The following FXR1 variants were observed in gnomAD, a reference collection of about 807,000 sequenced individuals.
FXR1 encodes the protein FMR1 autosomal homolog 1.
In FXR1, 15 loss-of-function variants were observed where a neutral mutation model predicts 84.0. The ratio of observed to expected loss-of-function variants is 0.18; its 90% CI spans 0.12 to 0.27. The LOEUF (loss-of-function observed/expected upper bound fraction) is 0.27, where lower values mean the gene tolerates loss of function less well. FXR1 is among the 10% of genes least tolerant of loss of function. The pLI is 1.00. For missense variants in FXR1, 480 were observed against 774.4 expected (o/e 0.62, Z 4.51); for synonymous variants, 245 against 250.7 (o/e 0.98, Z 0.21).
rs1180730103 is a variant in FXR1, at chr3:180,932,583, A to G, written c.52-751A>G. 2.6e-5 allele frequency among the ~76,000 whole-genome samples: 4 copies of G among 152,178 alleles called. No individual in the cohort carries two copies. In the East Asian group the frequency reaches 7.7e-4, roughly 29 times the overall value. ...ATTAATCAAAGGAAGATAGAATAAGAAGGCTAATTTTAATAGTAATTTTAA... is the reference window on the plus strand; with the variant it reads ...ATTAATCAAAGGAAGATAGAATAAGGAGGCTAATTTTAATAGTAATTTTAA... On this transcript the variant is annotated intron_variant, in intron 1 of 16. Coordinates refer to ENST00000357559, the MANE Select transcript of FXR1 (RefSeq NM_005087.4).
intron 3 of FXR1, among the ~76,000 whole-genome samples, chr3:180,943,302 T>C: frequency 8.4e-6 from 1 of 118,634 alleles, no homozygotes; most frequent in Admixed American, 1.1e-4. Flanking sequence ...TAAGAAGGAG[T>C]CTTGCTCTGT....
chr3:180,921,777 C>A (rs139867446), intron 1 of FXR1, among the ~76,000 whole-genome samples: 1 of 151,346 alleles, frequency 6.6e-6, no homozygotes, highest in East Asian at 1.9e-4. Flanking sequence ...TACATAGACA[C>A]GTGTATAATT....
intron 1 of FXR1, among the ~76,000 whole-genome samples, chr3:180,929,464 ATCT>A (rs2108438370): frequency 6.6e-6 from 1 of 152,320 alleles, no homozygotes; most frequent in East Asian, 1.9e-4. Context: ...ATGCCTTGAA[ATCT>A]TCTGTGTTTG....
At position 180,955,427 on chromosome 3, in the gene FXR1, A is replaced by T. The variant is rs1805613; in HGVS notation, c.880+1587A>T. Among the ~76,000 whole-genome samples the T allele has an allele frequency of 3.3e-4, 51 of 152,286 alleles. No homozygotes were observed. The South Asian group carries it at 0.01, about 31-fold the overall frequency. ...TAGACTGAACTGCTAGAAAGATGAG[A>T]TGTTAAAATTCAATATAAACTTGAA... On this transcript the variant is annotated intron_variant, in intron 9 of 16. Transcript: ENST00000357559.
At chr3:180,935,873 C>T (rs1720465985) in intron 3 of FXR1, among the ~76,000 whole-genome samples, 1 of 150,972 alleles carries the variant, frequency 6.6e-6, no homozygotes, top group South Asian at 2.1e-4. Context: ...GTGCCCGGCC[C>T]TACAAACATT....
At chr3:180,928,908 T>A (rs549102636) in intron 1 of FXR1, among the ~76,000 whole-genome samples, 1 of 151,740 alleles carries the variant, frequency 6.6e-6, no homozygotes, top group South Asian at 2.1e-4. Flanking sequence ...CATTTTACAC[T>A]TAATTTATGG....
Position 180,970,208 on chromosome 3 carries a change from T to G in FXR1, c.1453T>G (p.Ser485Ala). 6.2e-7 allele frequency: 1 copy of G among 1,608,392 alleles called. No individual in the cohort carries two copies. The highest frequency in any genetic ancestry group is 1.1e-5 in the South Asian group (1 of 90,996). Reference protein sequence around the residue: ...NPYSLLDNTESDQTADTDASE... With the variant: ...NPYSLLDNTEADQTADTDASE... ...ATACAGCTTACTTGATAATACAGAATCAGATCAGACTGCAGACACTGATGC... is the reference window on the plus strand; with the variant it reads ...ATACAGCTTACTTGATAATACAGAAGCAGATCAGACTGCAGACACTGATGC... Residue 485 changes from serine to alanine, a missense_variant, in exon 15 of 17, where the codon TCA becomes GCA. Physicochemically the swap from Ser to Ala is moderately conservative, Grantham distance 99. This residue lies in a region of FXR1 where 157 missense variants were observed against 227.8 expected (regional missense o/e 0.69). Coordinates refer to ENST00000357559, the MANE Select transcript of FXR1 (RefSeq NM_005087.4).
chr3:180,962,790 C>T, intron 11 of FXR1, 93 bp from the exon 12 acceptor site: 1 of 805,024 alleles, frequency 1.2e-6, no homozygotes, highest in Non-Finnish European at 2.1e-6. Context: ...CCTAAGGTCA[C>T]AGCTTTGATA....
intron 3 of FXR1, among the ~76,000 whole-genome samples, chr3:180,935,559 T>C (rs1720424977): frequency 6.6e-6 from 1 of 152,256 alleles, no homozygotes; most frequent in African/African-American, 2.4e-5. Flanking sequence ...CTAATTACTT[T>C]AAATAATTTG....
intron 1 of FXR1, among the ~76,000 whole-genome samples, chr3:180,926,179 T>C (rs1023518221): frequency 6.6e-6 from 1 of 152,078 alleles, no homozygotes; most frequent in Non-Finnish European, 1.5e-5. Flanking sequence ...AAAAATAAAA[T>C]GTTTAAATTT....
rs1425823412 is a variant in FXR1 at position 180,982,496 on chromosome 3, T to A, written c.*6204T>A. 6.6e-6 allele frequency: 1 copy of A among 152,160 alleles called. No individual in the cohort carries two copies. The highest frequency in any genetic ancestry group is 1.5e-5 in the Non-Finnish European group (1 of 67,992). The allele number at this position is 152,160 out of a possible 1,614,324, so 9.4% of individuals were successfully genotyped here. On this transcript the variant is annotated 3_prime_UTR_variant, in exon 17 of 17. Transcript: ENST00000357559. ...TGTGCTCTGCTGTGCTCCTTGGTAT[T>A]TTTAAGTGGTTTCCATTGTCTTAAC...
At chr3:180,952,539 A>G (rs1722330109) in intron 8 of FXR1, among the ~76,000 whole-genome samples, 1 of 151,826 alleles carries the variant, frequency 6.6e-6, no homozygotes, top group South Asian at 2.1e-4. Context: ...CCTGAGCAAC[A>G]GAGAGCAAGG....
rs1018020908 is a variant in FXR1 at position 180,953,922 on chromosome 3, T to C, written c.880+82T>C. 7.2e-5 allele frequency: 52 copies of C among 726,286 alleles called. No individual in the cohort carries two copies. In the East Asian group the frequency reaches 1.3e-3, roughly 18 times the overall value. 45.0% of individuals were successfully genotyped at this position (726,286 alleles called of 1,614,324 possible). ...GCGACTTAATTGAAAACTAGTCTTG[T>C]AGTCTGATAACCTTATTCCAGTTAT... On this transcript the variant is annotated intron_variant, in intron 9 of 16. Coordinates refer to ENST00000357559, the MANE Select transcript of FXR1 (RefSeq NM_005087.4).
In FXR1 at chr3:180,962,755, C is replaced by A. The variant is rs557588287; in HGVS notation, c.1078-128C>A. On this transcript the variant is annotated intron_variant, in intron 11 of 16. Coordinates refer to ENST00000357559, the MANE Select transcript of FXR1 (RefSeq NM_005087.4). The stretch of plus-strand genomic sequence containing the variant: ...CCTCATCAATTCTGTTGACTAGGAA[C>A]ACAATGCTCTTTACCATCTAATTGC... 4.6e-6 allele frequency: 3 copies of A among 658,606 alleles called. No individual in the cohort carries two copies. In the East Asian group the frequency reaches 8.0e-5, roughly 17 times the overall value. 40.8% of individuals were successfully genotyped at this position (658,606 alleles called of 1,614,324 possible). A position where few individuals can be genotyped will look rare whatever the true frequency, so the allele number is the denominator to read the frequency against.
chr3:180,938,684 G>A (rs1720801698), intron 3 of FXR1, among the ~76,000 whole-genome samples: 1 of 151,894 alleles, frequency 6.6e-6, no homozygotes, highest in Non-Finnish European at 1.5e-5. Flanking sequence ...TAGTAGCTGG[G>A]ATTACAGGCA....
At position 180,982,611 on chromosome 3, in the gene FXR1, T is replaced by C. The variant is rs537227642; in HGVS notation, c.*6319T>C. 1.3e-5 allele frequency: 2 copies of C among 152,324 alleles called. No individual in the cohort carries two copies. The highest frequency in any genetic ancestry group is 2.1e-4 in the South Asian group (1 of 4,832). The allele number at this position is 152,324 out of a possible 1,614,324, so 9.4% of individuals were successfully genotyped here. On this transcript the variant is annotated 3_prime_UTR_variant, in exon 17 of 17. Coordinates refer to ENST00000357559, the MANE Select transcript of FXR1 (RefSeq NM_005087.4). ...AAATTTCCCTTTTTAGAGTTAATGC[T>C]TCATTGCCTGTCGGCATATTATCAC...
rs1714477630 is a variant in FXR1, at chr3:180,979,065, C to T, written c.*2773C>T. The T allele has an allele frequency of 6.6e-6, 1 of 152,066 alleles. No homozygotes were observed. Among genetic ancestry groups the T allele is most frequent in the African/African-American group, 2.4e-5 (1 of 41,410 alleles). 9.4% of individuals were successfully genotyped at this position (152,066 alleles called of 1,614,324 possible). The stretch of plus-strand genomic sequence containing the variant: ...AACTGGTGAGTTCACAGAAACTTAC[C>T]TGAGATGATGCTGGGTTCCATTGCT... On this transcript the variant is annotated 3_prime_UTR_variant, in exon 17 of 17. Transcript: ENST00000357559.
chr3:180,953,842 T>A lies in FXR1; in HGVS notation c.880+2T>A. 2 of 1,437,702 alleles carry A rather than the reference T, an allele frequency of 1.4e-6. No homozygotes were observed. The highest frequency in any genetic ancestry group is 4.6e-5 in the East Asian group (2 of 43,734). 89.1% of individuals were successfully genotyped at this position (1,437,702 alleles called of 1,614,324 possible). ...TTCAGGTTCCTAGGAATCTCGTTGG[T>A]AGGTACTTTTACTAAATGTTAAATA... On this transcript the variant is annotated splice_donor_variant, in intron 9 of 16. Transcript: ENST00000357559. LOFTEE classifies it high-confidence loss of function.
intron 10 of FXR1, among the ~76,000 whole-genome samples, chr3:180,959,471 G>T (rs910767452): frequency 6.6e-6 from 1 of 151,970 alleles, no homozygotes; most frequent in Admixed American, 6.6e-5. Flanking sequence ...GATGAAATTG[G>T]CTGGCTCGGT....
Sources: gnomAD v4.1 joint callset for allele counts (sites outside exome capture counted in the v4.1 genomes callset) on GRCh38, gnomAD v4.1.1 for gene constraint, gnomAD v4.1.1 regional missense constraint, MANE v1.5 for transcripts, NCBI Gene and HGNC (gene_info 2026-07-23, HGNC 2026-07-21) for gene names.